MTERF4: variants seen among roughly 807,000 people sequenced by gnomAD.
MTERF4 encodes mitochondrial transcription termination factor 4.
MTERF4 carries 17 observed loss-of-function variants against 22.5 expected under a neutral mutation model. The ratio of observed to expected loss-of-function variants is 0.75; its 90% CI spans 0.52 to 1.13. MTERF4 has a LOEUF of 1.13. MTERF4 is among the 50% of genes most tolerant of loss of function. The pLI is 0.00. For missense variants in MTERF4, 420 were observed against 466.8 expected (o/e 0.90, Z 0.92); for synonymous variants, 165 against 175.3 (o/e 0.94, Z 0.47).
downstream of MTERF4, among the ~76,000 whole-genome samples, chr2:241,070,998 C>G (rs1489145427): frequency 6.6e-6 from 1 of 152,200 alleles, no homozygotes; most frequent in Non-Finnish European, 1.5e-5. Flanking sequence ...CTGCCACCCC[C>G]ACCAGCTTGG....
At chr2:241,071,575 GC>G, downstream of MTERF4, 2 of 1,582,856 alleles carry the variant, frequency 1.3e-6, no homozygotes, top group Non-Finnish European at 8.5e-7. Flanking sequence ...CTGCTCTGCA[GC>G]CCCCAGGGAT....
the MTERF4 span, chr2:241,048,574 A>G: frequency 6.7e-7 from 1 of 1,499,138 alleles, no homozygotes; most frequent in Non-Finnish European, 9.1e-7. Flanking sequence ...TTGTATGGGA[A>G]GTTGGCCAGG....
downstream of MTERF4, chr2:241,090,199 T>A (rs2063840183): frequency 1.4e-6 from 2 of 1,471,728 alleles, no homozygotes; most frequent in Non-Finnish European, 1.8e-6. Flanking sequence ...TTCTCTGTTT[T>A]TAAAATTTTT....
chr2:241,049,364 C>G, the MTERF4 span, among the ~76,000 whole-genome samples: 26 of 152,202 alleles, frequency 1.7e-4, no homozygotes, highest in African/African-American at 5.8e-4. Flanking sequence ...TGCAAGTATA[C>G]AAACACCATG....
chr2:241,069,951 C>T, downstream of MTERF4: 1 of 1,612,916 alleles, frequency 6.2e-7, no homozygotes, highest in Non-Finnish European at 8.5e-7. The surrounding 1 kb of genome is among the most constrained non-coding windows in gnomAD (Gnocchi z 4.9). Context: ...TGACCGCCGC[C>T]CGAGTCACTG....
At chr2:241,088,363 A>G, downstream of MTERF4, 1 of 1,607,542 alleles carries the variant, frequency 6.2e-7, no homozygotes, top group Non-Finnish European at 8.5e-7. Flanking sequence ...TAATTATTTC[A>G]GGAAACAAAG....
At chr2:241,084,909 A>T (rs1288389497), downstream of MTERF4, among the ~76,000 whole-genome samples, 1 of 152,016 alleles carries the variant, frequency 6.6e-6, no homozygotes, top group Non-Finnish European at 1.5e-5. Context: ...CTTGATTGAC[A>T]GTTATATTTT....
downstream of MTERF4, chr2:241,071,701 A>AAC: frequency 7.8e-7 from 1 of 1,281,782 alleles, no homozygotes; most frequent in Non-Finnish European, 1.1e-6. Flanking sequence ...CGCCCCCGAG[A>AAC]CCCCCACCCA....
intron 4 of MTERF4, chr2:241,081,631 T>C (rs1242571581): frequency 7.2e-7 from 1 of 1,392,628 alleles, no homozygotes. Flanking sequence ...GAGGCAGGCC[T>C]GTCCTGGGGT....
the MTERF4 span, among the ~76,000 whole-genome samples, chr2:241,059,684 T>C: frequency 1.3e-5 from 2 of 152,266 alleles, no homozygotes; most frequent in Non-Finnish European, 2.9e-5. Flanking sequence ...GAAAACTATA[T>C]ATCTCAATAG....
downstream of MTERF4, chr2:241,082,320 G>A (rs539827809): frequency 4.2e-5 from 67 of 1,613,702 alleles, 3 homozygotes; most frequent in South Asian, 6.9e-4. Flanking sequence ...TGTTCTCCGA[G>A]ACAAAGGCCT....
the MTERF4 span, among the ~76,000 whole-genome samples, chr2:241,043,300 G>C: frequency 6.6e-6 from 1 of 152,068 alleles, no homozygotes; most frequent in African/African-American, 2.4e-5. Context: ...AGCGAAACAA[G>C]AATGAAACAG....
intron 2 of MTERF4, among the ~76,000 whole-genome samples, chr2:241,097,792 T>C (rs1182835392): frequency 6.6e-6 from 1 of 152,226 alleles, no homozygotes; most frequent in African/African-American, 2.4e-5. Flanking sequence ...AGTAGTTTCC[T>C]CCATATTGCT....
At chr2:241,101,736 T>C (rs891273182) in intron 1 of MTERF4, among the ~76,000 whole-genome samples, 1 of 152,210 alleles carries the variant, frequency 6.6e-6, no homozygotes, top group Non-Finnish European at 1.5e-5. Context: ...TTATCTTCCT[T>C]GTGAAGTTCA....
At chr2:241,072,780 C>T (rs756791939) in exon 5 of MTERF4, 4 of 188,720 alleles carry the variant, frequency 2.1e-5, no homozygotes, top group Non-Finnish European at 4.4e-5. Flanking sequence ...GCTATGGAAG[C>T]GGATATGAAG....
At chr2:241,083,030 A>G (rs763185877), downstream of MTERF4, among the ~76,000 whole-genome samples, 25 of 152,196 alleles carry the variant, frequency 1.6e-4, no homozygotes, top group Non-Finnish European at 3.4e-4. Context: ...CCCTGCCTTC[A>G]GGACCCGTTC....
At chr2:241,071,700 G>GT, downstream of MTERF4, 1 of 1,502,384 alleles carries the variant, frequency 6.7e-7, no homozygotes, top group Non-Finnish European at 9.0e-7. Context: ...GCGCCCCCGA[G>GT]ACCCCCACCC....
chr2:241,047,581 AG>A, the MTERF4 span, among the ~76,000 whole-genome samples: 1,529 of 152,318 alleles, frequency 0.01, 31 homozygotes, highest in African/African-American at 0.034. Flanking sequence ...TACATTGAAA[AG>A]GATTGTGTTT....
the MTERF4 span, chr2:241,049,214 G>A: frequency 1.8e-6 from 2 of 1,092,902 alleles, no homozygotes; most frequent in South Asian, 1.4e-5. Context: ...GAGGCAGGCA[G>A]AGGCCAGAGT....
Sources: allele counts gnomAD v4.1 joint callset (sites outside exome capture counted in the v4.1 genomes callset), GRCh38; gene constraint gnomAD v4.1.1; non-coding constraint Gnocchi (gnomAD v3.1); transcripts MANE v1.5; gene names NCBI Gene and HGNC (gene_info 2026-07-23, HGNC 2026-07-21).